PGR: variants seen among roughly 807,000 people sequenced by gnomAD.
PGR encodes progesterone receptor, also known as nuclear receptor subfamily 3 group C member 3.
In PGR, 25 loss-of-function variants were observed where a neutral mutation model predicts 76.1. That is an observed-to-expected ratio of 0.33 (90% CI 0.24 to 0.46). The LOEUF (loss-of-function observed/expected upper bound fraction) is 0.46, where lower values mean the gene tolerates loss of function less well. Ranked by LOEUF, PGR falls within the 20% of genes least tolerant of loss-of-function variation. PGR has a pLI of 1.00. For synonymous variants in PGR, 579 were observed against 535.0 expected (o/e 1.08, Z -1.14); for missense variants, 1,172 against 1,225.3 (o/e 0.96, Z 0.65).
chr11:101,042,595 A>G (rs1859727945), intron 6 of PGR, among the ~76,000 whole-genome samples: 1 of 151,998 alleles, frequency 6.6e-6, no homozygotes, highest in Non-Finnish European at 1.5e-5. Flanking sequence ...TTGTAATTTT[A>G]AAAATTGCTT....
chr11:101,085,525 T>TAAAAAAAAAAAAAAAAAAAAAAAAAA (rs1212568882), intron 3 of PGR, among the ~76,000 whole-genome samples: 1 of 42,278 alleles, frequency 2.4e-5, no homozygotes, highest in Admixed American at 3.8e-4. Context: ...CTAGAGGAAC[T>TAAAAAAAAAAAAAAAAAAAAAAAAAA]AAAAAAAAAA....
At chr11:101,073,084 C>T (rs1861001172) in intron 3 of PGR, among the ~76,000 whole-genome samples, 1 of 152,176 alleles carries the variant, frequency 6.6e-6, no homozygotes, top group Admixed American at 6.5e-5. Flanking sequence ...GTAAAACACT[C>T]CTCAGCAAAT....
intron 2 of PGR, among the ~76,000 whole-genome samples, chr11:101,107,041 A>C (rs1862184861): frequency 6.6e-6 from 1 of 152,084 alleles, no homozygotes; most frequent in Non-Finnish European, 1.5e-5. Context: ...GGAGGGGAAC[A>C]TTACATACCT....
Position 101,030,235 on chromosome 11 carries a change from A to G in PGR, c.*8881T>C, listed in dbSNP as rs1168981393. The G allele has an allele frequency of 2.7e-5, 6 of 223,160 alleles. 1 individual carries two copies. The highest frequency in any genetic ancestry group is 2.3e-4 in the Admixed American group (4 of 17,374). The allele number at this position is 223,160 out of a possible 1,614,324, so 13.8% of individuals were successfully genotyped here. ...CTTGCCAAGTATTAACACTAGTTTT[A>G]CTAATAAGCAACGGGGTAGATAACT... On this transcript the variant is annotated 3_prime_UTR_variant, in exon 8 of 8. Transcript: ENST00000325455.
chr11:101,089,759 G>C (rs1432835097), intron 3 of PGR, among the ~76,000 whole-genome samples: 1 of 152,032 alleles, frequency 6.6e-6, no homozygotes, highest in Non-Finnish European at 1.5e-5. Context: ...GGAGGGAGTA[G>C]AGTTAAACAA....
intron 2 of PGR, among the ~76,000 whole-genome samples, chr11:101,107,865 T>TACAAAAAAAAAAAAAAAA (rs1862215159): frequency 8.4e-6 from 1 of 119,290 alleles, no homozygotes; most frequent in African/African-American, 3.3e-5. Context: ...ACTGGCTTTG[T>TACAAAAAAAAAAAAAAAA]AAAAAAAAAA....
At chr11:101,076,919 ATT>A (rs59106149) in intron 3 of PGR, among the ~76,000 whole-genome samples, 5,556 of 64,004 alleles carry the variant, frequency 0.087, 90 homozygotes, top group Non-Finnish European at 0.11. Context: ...TACAAATGGA[ATT>A]TTTTTTTTTT....
intron 6 of PGR, among the ~76,000 whole-genome samples, chr11:101,046,832 T>C (rs1031634499): frequency 2.0e-5 from 3 of 152,164 alleles, no homozygotes; most frequent in Non-Finnish European, 4.4e-5. Context: ...TATTCTAATA[T>C]ATACTTGTCT....
At chr11:101,043,817 G>A (rs980068891) in intron 6 of PGR, among the ~76,000 whole-genome samples, 1 of 152,190 alleles carries the variant, frequency 6.6e-6, no homozygotes, top group African/African-American at 2.4e-5. Flanking sequence ...TTTCTGAGCA[G>A]TAAGTCTCAA....
At position 101,031,120 on chromosome 11, in the gene PGR, G is replaced by T; in HGVS notation, c.*7996C>A. The T allele has an allele frequency of 4.9e-6, 1 of 205,276 alleles. No homozygotes were observed. The highest frequency in any genetic ancestry group is 1.0e-5 in the Non-Finnish European group (1 of 100,226). The allele number at this position is 205,276 out of a possible 1,614,324, so 12.7% of individuals were successfully genotyped here. A position where few individuals can be genotyped will look rare whatever the true frequency, so the allele number is the denominator to read the frequency against. ...AAGGGGCAAGGTGACTCCACAGCAGGGCCAGATGAGAAAAGAGCTGGGCCT... is the reference window on the plus strand; with the variant it reads ...AAGGGGCAAGGTGACTCCACAGCAGTGCCAGATGAGAAAAGAGCTGGGCCT... On this transcript the variant is annotated 3_prime_UTR_variant, in exon 8 of 8. Transcript: ENST00000325455.
intron 2 of PGR, among the ~76,000 whole-genome samples, chr11:101,099,676 A>C (rs2135468323): frequency 6.6e-6 from 1 of 152,314 alleles, no homozygotes; most frequent in African/African-American, 2.4e-5. Context: ...TCCAGAGAGA[A>C]GAGAGGTGTC....
Position 101,127,825 on chromosome 11 carries a change from C to G in PGR, c.1246G>C (p.Asp416His). 1.3e-6 allele frequency: 2 copies of G among 1,577,362 alleles called. No homozygotes were observed. The highest frequency in any genetic ancestry group is 2.3e-5 in the South Asian group (2 of 88,828). The change falls in exon 1 of 8, where the codon GAT becomes CAT. Residue 416 changes from aspartate to histidine, a missense_variant. Asp to His is a moderately conservative substitution (Grantham distance 81). This residue lies in a region of PGR where 893 missense variants were observed against 785.9 expected (regional missense o/e 1.14). Transcript: ENST00000325455. ...GGGGGCGGTGGCCCCAACGGGAAAT[C>G]CGGGAAGGCTGCGGGGTTGGCACCG... is the stretch of plus-strand genomic sequence containing the variant. ...VAGANPAAFP[D>H]FPLGPPPPLP...
At chr11:101,086,135 G>T (rs1861493071) in intron 3 of PGR, among the ~76,000 whole-genome samples, 1 of 152,090 alleles carries the variant, frequency 6.6e-6, no homozygotes, top group Non-Finnish European at 1.5e-5. Flanking sequence ...ACCTGTAAGA[G>T]ATACCATGAG....
At chr11:101,065,080 C>T (rs1860667056) in intron 3 of PGR, among the ~76,000 whole-genome samples, 1 of 152,168 alleles carries the variant, frequency 6.6e-6, no homozygotes, top group Non-Finnish European at 1.5e-5. Flanking sequence ...TGACACATTT[C>T]TCAAAATGTA....
intron 3 of PGR, among the ~76,000 whole-genome samples, chr11:101,068,429 A>G (rs1253786691): frequency 6.6e-6 from 1 of 152,226 alleles, no homozygotes; most frequent in Non-Finnish European, 1.5e-5. Flanking sequence ...TATTTTGAAA[A>G]TGGCCATAGT....
At chr11:101,126,243 G>A in intron 1 of PGR, 85 bp from the exon 2 acceptor site, 1 of 1,285,656 alleles carries the variant, frequency 7.8e-7, no homozygotes, top group Admixed American at 1.9e-5. Context: ...GTATTAACAG[G>A]GTGAAAGGAG....
At chr11:101,050,722 T>G (rs1860055942) in intron 5 of PGR, among the ~76,000 whole-genome samples, 1 of 152,092 alleles carries the variant, frequency 6.6e-6, no homozygotes, top group Non-Finnish European at 1.5e-5. Flanking sequence ...TAAAAAGAGA[T>G]AAGGAATCTC....
intron 2 of PGR, among the ~76,000 whole-genome samples, chr11:101,121,546 A>C (rs1862676571): frequency 6.6e-6 from 1 of 152,224 alleles, no homozygotes; most frequent in Non-Finnish European, 1.5e-5. Context: ...ATTTCTGTCT[A>C]GTTTCCTCTG....
intron 2 of PGR, among the ~76,000 whole-genome samples, chr11:101,121,551 C>A (rs909232929): frequency 6.6e-6 from 1 of 152,200 alleles, no homozygotes; most frequent in Non-Finnish European, 1.5e-5. Flanking sequence ...TGTCTAGTTT[C>A]CTCTGCAGTC....
Sources: allele counts gnomAD v4.1 joint callset (sites outside exome capture counted in the v4.1 genomes callset), GRCh38; gene constraint gnomAD v4.1.1; regional missense constraint gnomAD v4.1.1; transcripts MANE v1.5; gene names NCBI Gene and HGNC (gene_info 2026-07-23, HGNC 2026-07-21).